FGGY: variants seen among roughly 807,000 people sequenced by gnomAD.
FGGY encodes FGGY carbohydrate kinase domain-containing protein.
In FGGY, 72 loss-of-function variants were observed where a neutral mutation model predicts 71.3. The ratio of observed to expected loss-of-function variants is 1.01; its 90% CI spans 0.84 to 1.23. The LOEUF (loss-of-function observed/expected upper bound fraction) is 1.23. Ranked by LOEUF, FGGY falls within the 50% of genes most tolerant of loss-of-function variation. The probability of loss-of-function intolerance (pLI) is 0.00; values close to 1 mark genes in which losing one functional copy is unlikely to be tolerated. For missense variants in FGGY, 668 were observed against 682.3 expected, an observed-to-expected ratio of 0.98 and a Z score of 0.23; for synonymous variants, 251 against 250.3, an observed-to-expected ratio of 1.00 and a Z score of -0.02.
At chr1:59,386,991 G>C (rs1417982295) in intron 5 of FGGY, among the ~76,000 whole-genome samples, 1 of 151,918 alleles carries the variant, frequency 6.6e-6, no homozygotes, top group African/African-American at 2.4e-5. Context: ...CCTTTAAAGA[G>C]ATGAATTCAT....
intron 5 of FGGY, among the ~76,000 whole-genome samples, chr1:59,447,706 C>A (rs1487692661): frequency 6.6e-6 from 1 of 152,160 alleles, no homozygotes. Context: ...ACTTGGTTCT[C>A]CTCCTCTCTT....
chr1:59,373,786 GA>G (rs956632318), intron 4 of FGGY, among the ~76,000 whole-genome samples: 12 of 152,146 alleles, frequency 7.9e-5, no homozygotes, highest in African/African-American at 2.2e-4. Flanking sequence ...TGACAAACCT[GA>G]GAAAAACAAG....
intron 7 of FGGY, among the ~76,000 whole-genome samples, chr1:59,550,205 C>A (rs376016946): frequency 1.3e-5 from 2 of 152,024 alleles, no homozygotes; most frequent in Admixed American, 6.6e-5. Flanking sequence ...CCAGCGGTAC[C>A]GAGGGCTGCA....
intron 8 of FGGY, among the ~76,000 whole-genome samples, chr1:59,564,811 AC>A (rs1412284157): frequency 6.6e-6 from 1 of 152,194 alleles, no homozygotes; most frequent in Admixed American, 6.5e-5. Context: ...GTTTCTGGAA[AC>A]CCACTAGGAA....
At chr1:59,593,489 T>C (rs1237638058) in intron 8 of FGGY, among the ~76,000 whole-genome samples, 3 of 152,194 alleles carry the variant, frequency 2.0e-5, no homozygotes, top group Non-Finnish European at 4.4e-5. Flanking sequence ...AGTTCCCTCA[T>C]CTTTAAAATG....
At chr1:59,731,398 T>C (rs968868703) in intron 14 of FGGY, among the ~76,000 whole-genome samples, 1 of 152,102 alleles carries the variant, frequency 6.6e-6, no homozygotes, top group African/African-American at 2.4e-5. Flanking sequence ...AAAACCTCAC[T>C]GGGAAGCTTC....
At chr1:59,565,294 T>G (rs903394278) in intron 8 of FGGY, among the ~76,000 whole-genome samples, 2 of 152,124 alleles carry the variant, frequency 1.3e-5, no homozygotes, top group Non-Finnish European at 2.9e-5. Context: ...TCCTTTCTTT[T>G]TTTTTAAGAC....
At position 59,660,204 on chromosome 1, in the gene FGGY, C is replaced by G. The variant is rs764177888; in HGVS notation, c.1222-15C>G. 1.2e-6 allele frequency: 2 copies of G among 1,611,336 alleles called. No individual in the cohort carries two copies. Among genetic ancestry groups the G allele is most frequent in the African/African-American group, 2.7e-5 (2 of 74,870 alleles). On this transcript the variant is annotated splice_polypyrimidine_tract_variant and intron_variant, in intron 11 of 15. Transcript: ENST00000303721. ...TTTTGACCATCTTCTTCTTTTCTTC[C>G]CTTCATGCCTGCAGGTCACCGGATT...
At chr1:59,531,765 C>T (rs1298050711) in intron 7 of FGGY, among the ~76,000 whole-genome samples, 2 of 152,258 alleles carry the variant, frequency 1.3e-5, no homozygotes, top group East Asian at 3.9e-4. Context: ...AGTAAATCCT[C>T]TAGGTGTTAT....
chr1:59,358,110 C>T (rs2054693442), intron 4 of FGGY, among the ~76,000 whole-genome samples: 1 of 152,190 alleles, frequency 6.6e-6, no homozygotes, highest in South Asian at 2.1e-4. Context: ...TACAGTAACT[C>T]ATAGCGTGTA....
chr1:59,575,055 G>A (rs566328558), intron 8 of FGGY, among the ~76,000 whole-genome samples: 54 of 152,150 alleles, frequency 3.5e-4, no homozygotes, highest in African/African-American at 1.3e-3. Flanking sequence ...ACTATATATT[G>A]TAAAATGATT....
chr1:59,374,815 A>T (rs1461572124), intron 4 of FGGY, among the ~76,000 whole-genome samples: 1 of 150,012 alleles, frequency 6.7e-6, no homozygotes, highest in Non-Finnish European at 1.5e-5. Context: ...AGAACAAAAA[A>T]CCAAACACCG....
At chr1:59,676,041 G>A (rs1195408657) in intron 14 of FGGY, among the ~76,000 whole-genome samples, 1 of 152,074 alleles carries the variant, frequency 6.6e-6, no homozygotes, top group Non-Finnish European at 1.5e-5. Flanking sequence ...GGGCTCCCAC[G>A]AGACCCTGAC....
intron 8 of FGGY, among the ~76,000 whole-genome samples, chr1:59,566,783 G>A (rs571695235): frequency 6.6e-5 from 10 of 151,016 alleles, no homozygotes; most frequent in African/African-American, 2.5e-4. Context: ...AAATCTTTTT[G>A]TTGAAAGATA....
At chr1:59,665,301 T>G (rs2097313451) in intron 12 of FGGY, among the ~76,000 whole-genome samples, 1 of 152,226 alleles carries the variant, frequency 6.6e-6, no homozygotes, top group Non-Finnish European at 1.5e-5. Flanking sequence ...TGGCCTTATA[T>G]GGCACAACAT....
At chr1:59,562,502 T>C (rs1178564355) in intron 8 of FGGY, among the ~76,000 whole-genome samples, 1 of 152,204 alleles carries the variant, frequency 6.6e-6, no homozygotes, top group African/African-American at 2.4e-5. Context: ...CTTTGCCATG[T>C]TCCTGGTGGA....
chr1:59,448,905 C>T (rs534999929), intron 5 of FGGY, among the ~76,000 whole-genome samples: 33 of 152,190 alleles, frequency 2.2e-4, no homozygotes, highest in Non-Finnish European at 3.2e-4. Context: ...AAATAGTCCA[C>T]GGTTCTGGAC....
At chr1:59,424,356 G>T (rs554281019) in intron 5 of FGGY, among the ~76,000 whole-genome samples, 2 of 152,330 alleles carry the variant, frequency 1.3e-5, no homozygotes, top group Admixed American at 1.3e-4. Flanking sequence ...AAACTGTCCT[G>T]CTCAACATGG....
chr1:59,553,860 A>G, intron 7 of FGGY: 1 of 324,660 alleles, frequency 3.1e-6, no homozygotes. Context: ...TGCTTTTATT[A>G]TGACAATCAC....
Sources: allele counts gnomAD v4.1 joint callset (sites outside exome capture counted in the v4.1 genomes callset), GRCh38; gene constraint gnomAD v4.1.1; transcripts MANE v1.5; gene names NCBI Gene and HGNC (gene_info 2026-07-23, HGNC 2026-07-21).